GRAMD1C: variants seen among roughly 807,000 people sequenced by gnomAD.
The protein encoded by GRAMD1C is GRAM domain containing 1C, also known as protein Aster-C.
Under a neutral mutation model 97.8 loss-of-function variants are expected in GRAMD1C, and 89 were observed. The ratio of observed to expected loss-of-function variants is 0.91; its 90% CI spans 0.77 to 1.09. The LOEUF (loss-of-function observed/expected upper bound fraction) is 1.09, where lower values mean the gene tolerates loss of function less well. Ranked by LOEUF, GRAMD1C falls within the 50% of genes least tolerant of loss-of-function variation. The probability of loss-of-function intolerance (pLI) is 0.00; values close to 1 mark genes in which losing one functional copy is unlikely to be tolerated. For missense variants in GRAMD1C, 740 were observed against 766.4 expected, an observed-to-expected ratio of 0.97 and a Z score of 0.41; for synonymous variants, 256 against 267.0, an observed-to-expected ratio of 0.96 and a Z score of 0.40.
At chr3:113,901,595 G>A (rs530451564) in intron 7 of GRAMD1C, among the ~76,000 whole-genome samples, 2 of 152,294 alleles carry the variant, frequency 1.3e-5, no homozygotes, top group Admixed American at 6.5e-5. Context: ...ATAGCCTACC[G>A]TGGAATGCAA....
intron 5 of GRAMD1C, among the ~76,000 whole-genome samples, chr3:113,880,326 T>C (rs1935208578): frequency 6.6e-6 from 1 of 152,180 alleles, no homozygotes; most frequent in Non-Finnish European, 1.5e-5. Flanking sequence ...TCTTTTTATT[T>C]ACATACAGGC....
At chr3:113,942,809 T>C (rs955617904) in intron 17 of GRAMD1C, among the ~76,000 whole-genome samples, 3 of 152,242 alleles carry the variant, frequency 2.0e-5, no homozygotes, top group Non-Finnish European at 4.4e-5. Context: ...GAAAGTTTCA[T>C]GCAATCCTTC....
At chr3:113,842,966 A>G (rs1933419237) in intron 1 of GRAMD1C, among the ~76,000 whole-genome samples, 1 of 151,458 alleles carries the variant, frequency 6.6e-6, no homozygotes, top group Non-Finnish European at 1.5e-5. Flanking sequence ...CTGTTTCAAA[A>G]AAAAAACAAA....
chr3:113,904,958 C>T (rs562165358), intron 8 of GRAMD1C, among the ~76,000 whole-genome samples: 17 of 152,238 alleles, frequency 1.1e-4, no homozygotes, highest in African/African-American at 4.1e-4. Context: ...CCTCAGCCTC[C>T]CAAGTAGCTC....
At chr3:113,893,661 G>T (rs1935820385) in intron 6 of GRAMD1C, among the ~76,000 whole-genome samples, 1 of 152,174 alleles carries the variant, frequency 6.6e-6, no homozygotes, top group Non-Finnish European at 1.5e-5. Context: ...AGCTGGTTTG[G>T]TATACAGTTT....
intron 2 of GRAMD1C, chr3:113,850,406 T>A (rs1344568656): frequency 2.0e-6 from 2 of 987,784 alleles, no homozygotes; most frequent in Non-Finnish European, 3.2e-6. Flanking sequence ...TCGCTCACCC[T>A]CCAGACCTTT....
chr3:113,885,014 G>T (rs1376435088), intron 6 of GRAMD1C, among the ~76,000 whole-genome samples: 2 of 143,174 alleles, frequency 1.4e-5, no homozygotes, highest in Non-Finnish European at 3.0e-5. Flanking sequence ...CCCCATCCTA[G>T]CCCGACCTGT....
At chr3:113,915,930 G>C in intron 10 of GRAMD1C, 92 bp downstream of exon 10, 1 of 987,794 alleles carries the variant, frequency 1.0e-6, no homozygotes, top group Non-Finnish European at 1.6e-6. Flanking sequence ...TATGTTGTGA[G>C]GAGGAAGAAT....
chr3:113,934,459 A>G lies in GRAMD1C; in HGVS notation c.1380A>G (p.Lys460=). ...LRVSTDLKYR[K]QPWGLVKSLI... Reference sequence around the variant, plus strand: ...TTTCCACAGATTTGAAATACAGAAAACAGCCATGGGGCCTTGTCAAATCTT... The same window carrying G: ...TTTCCACAGATTTGAAATACAGAAAGCAGCCATGGGGCCTTGTCAAATCTT... Residue 460 remains lysine, a synonymous_variant, in exon 13 of 18, where the codon AAA becomes AAG. Coordinates refer to ENST00000358160, the MANE Select transcript of GRAMD1C (RefSeq NM_017577.5). 3 of 1,567,638 alleles carry G rather than the reference A, an allele frequency of 1.9e-6. No homozygotes were observed. The highest frequency in any genetic ancestry group is 2.6e-6 in the Non-Finnish European group (3 of 1,145,904).
chr3:113,886,069 C>A, intron 6 of GRAMD1C: 2 of 731,666 alleles, frequency 2.7e-6, no homozygotes, highest in Non-Finnish European at 3.1e-6. Context: ...GGTGGGGGGG[C>A]GGGGGGGAAA....
chr3:113,917,322 TTTTA>T (rs950373509), intron 10 of GRAMD1C, among the ~76,000 whole-genome samples: 2 of 152,114 alleles, frequency 1.3e-5, no homozygotes, highest in African/African-American at 2.4e-5. Context: ...CTATAGTCAA[TTTTA>T]TTTATTTATT....
At chr3:113,885,438 C>T in intron 6 of GRAMD1C, 1 of 1,575,512 alleles carries the variant, frequency 6.3e-7, no homozygotes, top group East Asian at 2.2e-5. Flanking sequence ...ATATCCTCCC[C>T]TTATCTCCTG....
chr3:113,941,970 C>T (rs1213227243), intron 17 of GRAMD1C, among the ~76,000 whole-genome samples: 1 of 149,332 alleles, frequency 6.7e-6, no homozygotes, highest in Non-Finnish European at 1.5e-5. Flanking sequence ...AACTGGAGTG[C>T]AGTGGCATGA....
At chr3:113,908,069 G>T (rs988736953) in intron 8 of GRAMD1C, among the ~76,000 whole-genome samples, 15 of 152,192 alleles carry the variant, frequency 9.9e-5, no homozygotes, top group African/African-American at 3.6e-4. Context: ...TGGGTGGCCA[G>T]TGGAAACCTG....
intron 2 of GRAMD1C, among the ~76,000 whole-genome samples, chr3:113,857,807 T>G (rs1355362689): frequency 1.3e-5 from 2 of 152,244 alleles, no homozygotes; most frequent in Non-Finnish European, 2.9e-5. Context: ...ATTGATTGAT[T>G]TTTTAAAAAT....
chr3:113,941,820 T>C lies in GRAMD1C; in HGVS notation c.1908+1475T>C, dbSNP rs373286616. ...TTTTAGTAGAGACAGGGTTTCGCCA[T>C]GTTGGCCAGGCTGGTCTTGAGCTCT... On this transcript the variant is annotated intron_variant, in intron 17 of 17. Coordinates refer to ENST00000358160, the MANE Select transcript of GRAMD1C (RefSeq NM_017577.5). 5.7e-4 allele frequency among the ~76,000 whole-genome samples: 87 copies of C among 152,302 alleles called. 1 individual carries two copies. The South Asian group carries it at 8.9e-3, about 16-fold the overall frequency.
intron 2 of GRAMD1C, among the ~76,000 whole-genome samples, chr3:113,849,328 G>A (rs1049713049): frequency 9.4e-5 from 14 of 148,522 alleles, no homozygotes; most frequent in African/African-American, 3.2e-4. Flanking sequence ...ATCATTCTTG[G>A]GTGTTTCTCG....
chr3:113,856,209 A>G (rs1934121653), intron 2 of GRAMD1C, among the ~76,000 whole-genome samples: 1 of 152,052 alleles, frequency 6.6e-6, no homozygotes, highest in Non-Finnish European at 1.5e-5. Context: ...CATTTATTCT[A>G]ATTGTATCAA....
At chr3:113,878,675 CCA>C (rs566939269) in intron 5 of GRAMD1C, among the ~76,000 whole-genome samples, 89 of 152,276 alleles carry the variant, frequency 5.8e-4, no homozygotes, top group African/African-American at 2.0e-3. Context: ...CCATCTAACA[CCA>C]CAGAGTTTAT....
Sources: allele counts gnomAD v4.1 joint callset (sites outside exome capture counted in the v4.1 genomes callset), GRCh38; gene constraint gnomAD v4.1.1; transcripts MANE v1.5; gene names NCBI Gene and HGNC (gene_info 2026-07-23, HGNC 2026-07-21).